Variants in XDH observed in about 807,000 individuals in gnomAD.
XDH encodes xanthine dehydrogenase/oxidase.
A neutral mutation model predicts 156.1 loss-of-function variants in XDH; 138 were observed. The ratio of observed to expected loss-of-function variants is 0.88; its 90% CI spans 0.77 to 1.02. The LOEUF (loss-of-function observed/expected upper bound fraction) is 1.02, where lower values mean the gene tolerates loss of function less well. Among genes scored for constraint, XDH ranks in the 50% least tolerant of loss-of-function variants. The pLI, the probability that XDH is intolerant of heterozygous loss-of-function variation, is 0.00. For missense variants in XDH, 1,849 were observed against 1,684.9 expected (o/e 1.10, Z -1.71); for synonymous variants, 669 against 625.7 (o/e 1.07, Z -1.03).
intron 12 of XDH, among the ~76,000 whole-genome samples, chr2:31,380,771 C>T (rs1285990207): frequency 6.6e-6 from 1 of 152,176 alleles, no homozygotes; most frequent in Non-Finnish European, 1.5e-5. Flanking sequence ...TGAATCCTCT[C>T]AGTGAATATC....
intron 24 of XDH, among the ~76,000 whole-genome samples, chr2:31,363,824 TA>T (rs1157511391): frequency 2.6e-5 from 4 of 152,094 alleles, no homozygotes; most frequent in Non-Finnish European, 5.9e-5. Flanking sequence ...TAATATATAT[TA>T]GTATTAGTTT....
chr2:31,386,179 T>A lies in XDH; in HGVS notation c.793+235A>T, dbSNP rs473935. Among the ~76,000 whole-genome samples, 6,474 of 152,192 alleles carry A rather than the reference T, an allele frequency of 0.043. 245 individuals are homozygous for A. Among genetic ancestry groups the A allele is most frequent in the African/African-American group, 0.097 (4,006 of 41,510 alleles). On this transcript the variant is annotated intron_variant, in intron 9 of 35. Transcript: ENST00000379416. The stretch of plus-strand genomic sequence containing the variant: ...TGAGGGTAGATGAGGACAAGCAACT[T>A]TTCTGAGGTCACACATCCAGCAAGG...
chr2:31,362,335 A>G (rs1685800196), intron 24 of XDH, among the ~76,000 whole-genome samples: 1 of 152,236 alleles, frequency 6.6e-6, no homozygotes, highest in African/African-American at 2.4e-5. Context: ...GAGAAAAACC[A>G]TAACATCTCA....
chr2:31,372,018 C>T (rs1686085868), intron 17 of XDH, among the ~76,000 whole-genome samples: 1 of 152,218 alleles, frequency 6.6e-6, no homozygotes, highest in Non-Finnish European at 1.5e-5. Flanking sequence ...AGTAACATAC[C>T]CTGCTTGTGC....
chr2:31,408,145 C>G (rs570919840), intron 1 of XDH, among the ~76,000 whole-genome samples: 6 of 152,194 alleles, frequency 3.9e-5, no homozygotes, highest in African/African-American at 7.2e-5. Flanking sequence ...TCATTTTCAG[C>G]CTTTCTCCCT....
intron 34 of XDH, among the ~76,000 whole-genome samples, chr2:31,338,215 T>C (rs1278444251): frequency 6.6e-6 from 1 of 152,128 alleles, no homozygotes; most frequent in African/African-American, 2.4e-5. Flanking sequence ...ACACCAACAT[T>C]TACAGGCACC....
chr2:31,342,050 G>T, intron 32 of XDH, 133 bp downstream of exon 32: 1 of 795,984 alleles, frequency 1.3e-6, no homozygotes, highest in Non-Finnish European at 2.1e-6. Flanking sequence ...CCCTTTATAG[G>T]ATGTTTGCCT....
Position 31,381,464 on chromosome 2 carries a change from G to A in XDH, c.1132+169C>T, listed in dbSNP as rs1686434773. 4.6e-5 allele frequency among the ~76,000 whole-genome samples: 7 copies of A among 152,278 alleles called. No individual in the cohort carries two copies. The South Asian group carries it at 1.4e-3, about 32-fold the overall frequency. On this transcript the variant is annotated intron_variant, in intron 12 of 35. Coordinates refer to ENST00000379416, the MANE Select transcript of XDH (RefSeq NM_000379.4). ...GAATTCTCTACAGAGAAAATATCCA[G>A]CTTTCCCGTCCACCAAACCAGGTAC...
At chr2:31,354,380 A>G (rs1685570365) in intron 24 of XDH, among the ~76,000 whole-genome samples, 3 of 152,200 alleles carry the variant, frequency 2.0e-5, no homozygotes, top group Admixed American at 2.0e-4. Flanking sequence ...CACTTGTCAT[A>G]CCAAGTGATA....
At chr2:31,399,144 G>A (rs894854699) in intron 4 of XDH, among the ~76,000 whole-genome samples, 3 of 152,196 alleles carry the variant, frequency 2.0e-5, no homozygotes, top group South Asian at 2.1e-4. Context: ...GCAATTGGGT[G>A]GATGGCTTTG....
chr2:31,413,022 C>A (rs2148016205), intron 1 of XDH, among the ~76,000 whole-genome samples: 1 of 152,244 alleles, frequency 6.6e-6, no homozygotes, highest in East Asian at 1.9e-4. Flanking sequence ...TTCCCCAAGC[C>A]AGATTTACCT....
intron 20 of XDH, 58 bp downstream of exon 20, chr2:31,367,903 G>T: frequency 6.5e-7 from 1 of 1,528,836 alleles, no homozygotes; most frequent in Non-Finnish European, 9.1e-7. Flanking sequence ...CATATCTCTT[G>T]AATTTAATTT....
intron 32 of XDH, 115 bp from the exon 33 acceptor site, chr2:31,341,509 A>C (rs1271742326): frequency 5.6e-6 from 6 of 1,080,948 alleles, no homozygotes; most frequent in Non-Finnish European, 8.3e-6. Context: ...TACGTTCCCA[A>C]GCAGAAAGCC....
chr2:31,342,595 A>T (rs1006122940), intron 31 of XDH, among the ~76,000 whole-genome samples: 3 of 152,198 alleles, frequency 2.0e-5, no homozygotes, highest in African/African-American at 7.2e-5. Flanking sequence ...GAGGTAACAG[A>T]TCCATCTGGG....
chr2:31,375,116 C>T (rs1359192037), intron 15 of XDH, among the ~76,000 whole-genome samples: 7 of 149,626 alleles, frequency 4.7e-5, no homozygotes, highest in Non-Finnish European at 1.5e-5. Flanking sequence ...ACCTCCACCT[C>T]CCGAGTTCAA....
chr2:31,356,186 A>G (rs576351573), intron 24 of XDH, among the ~76,000 whole-genome samples: 24 of 152,348 alleles, frequency 1.6e-4, no homozygotes, highest in East Asian at 5.8e-4. Context: ...GGAGATTTCA[A>G]TGCTCCTCTC....
intron 1 of XDH, among the ~76,000 whole-genome samples, chr2:31,408,442 G>C (rs1010862508): frequency 2.0e-5 from 3 of 152,228 alleles, no homozygotes; most frequent in African/African-American, 2.4e-5. Context: ...AAAACATTTT[G>C]TAGGGAAGTG....
At chr2:31,396,121 T>C (rs878894101) in intron 6 of XDH, among the ~76,000 whole-genome samples, 2 of 152,174 alleles carry the variant, frequency 1.3e-5, no homozygotes, top group African/African-American at 2.4e-5. Context: ...ATGAGTAACA[T>C]GCATTAGCTT....
At chr2:31,368,276 G>A (rs146028186) in intron 19 of XDH, among the ~76,000 whole-genome samples, 1 of 152,264 alleles carries the variant, frequency 6.6e-6, no homozygotes, top group Non-Finnish European at 1.5e-5. Context: ...TGGACCTTGA[G>A]GAAAAGCAAA....
Sources: allele counts gnomAD v4.1 joint callset (sites outside exome capture counted in the v4.1 genomes callset), GRCh38; gene constraint gnomAD v4.1.1; transcripts MANE v1.5; gene names NCBI Gene and HGNC (gene_info 2026-07-23, HGNC 2026-07-21).